PP2D1: variants seen among roughly 807,000 people sequenced by gnomAD.
PP2D1 encodes protein phosphatase 2C-like domain-containing protein 1.
Under a neutral mutation model 30.2 loss-of-function variants are expected in PP2D1, and 25 were observed. The observed-to-expected ratio is 0.83, with a 90% CI of 0.60 to 1.16. The LOEUF (loss-of-function observed/expected upper bound fraction) is 1.16, where lower values mean the gene tolerates loss of function less well. Ranked by LOEUF, PP2D1 falls within the 50% of genes most tolerant of loss-of-function variation. PP2D1 has a pLI of 0.00. For missense variants in PP2D1, 760 were observed against 742.4 expected (o/e 1.02, Z -0.28); for synonymous variants, 260 against 258.9 (o/e 1.00, Z -0.04).
chr3:20,010,228 T>C (rs1697368777), intron 1 of PP2D1, among the ~76,000 whole-genome samples: 1 of 152,064 alleles, frequency 6.6e-6, no homozygotes. Context: ...CCTGAGTAGC[T>C]GGGACTACAG....
chr3:19,986,267 C>G, intron 2 of PP2D1, 85 bp from the exon 3 acceptor site: 1 of 1,021,604 alleles, frequency 9.8e-7, no homozygotes, highest in South Asian at 1.9e-5. Flanking sequence ...TTAGTAAATT[C>G]TGTGTTTCAA....
At chr3:19,984,254 G>A, downstream of PP2D1, 2 of 429,734 alleles carry the variant, frequency 4.7e-6, no homozygotes, top group Non-Finnish European at 9.1e-6. Context: ...TATTTATGAT[G>A]CTTAGCCATA....
chr3:20,005,463 T>A (rs377009002), intron 1 of PP2D1, among the ~76,000 whole-genome samples: 3 of 152,188 alleles, frequency 2.0e-5, no homozygotes, highest in African/African-American at 7.2e-5. Flanking sequence ...TAAATATTTA[T>A]GAAATGTGAC....
chr3:19,988,202 C>T lies in PP2D1; in HGVS notation c.1091-2020G>A, dbSNP rs191211586. Among the ~76,000 whole-genome samples, 396 of 152,240 alleles carry T rather than the reference C, an allele frequency of 2.6e-3. 1 individual carries two copies. The highest frequency in any genetic ancestry group is 4.7e-3 in the Non-Finnish European group (321 of 68,026). ...CAGGTATCACTGCCTGAGAGCTAGG[C>T]GGAACAGAGCCATATTTCTCTTCTT... On this transcript the variant is annotated intron_variant, in intron 2 of 2. Coordinates refer to ENST00000389050, the MANE Select transcript of PP2D1 (RefSeq NM_001252657.2).
At chr3:19,997,221 G>A (rs912089381) in intron 2 of PP2D1, among the ~76,000 whole-genome samples, 4 of 148,000 alleles carry the variant, frequency 2.7e-5, no homozygotes, top group Non-Finnish European at 4.4e-5. Flanking sequence ...CCACCGTGAC[G>A]ACTTGTAATA....
chr3:20,012,012 C>A, intron 1 of PP2D1, 38 bp downstream of exon 1: 10 of 1,456,500 alleles, frequency 6.9e-6, no homozygotes, highest in Non-Finnish European at 9.3e-6. Flanking sequence ...TACTCATTGG[C>A]TATACGTATT....
chr3:19,999,077 T>C (rs1697218411), intron 2 of PP2D1, among the ~76,000 whole-genome samples: 1 of 130,684 alleles, frequency 7.7e-6, no homozygotes, highest in Non-Finnish European at 1.6e-5. Flanking sequence ...GCAGTGTGTC[T>C]AGACTTTTTT....
intron 2 of PP2D1, chr3:19,996,787 A>C (rs1380654901): frequency 6.6e-6 from 1 of 152,202 alleles, no homozygotes; most frequent in Non-Finnish European, 1.5e-5. Context: ...GTTCACACAG[A>C]AATCAATAAA....
At chr3:19,991,998 A>G (rs1173131678) in intron 2 of PP2D1, among the ~76,000 whole-genome samples, 1 of 152,308 alleles carries the variant, frequency 6.6e-6, no homozygotes, top group South Asian at 2.1e-4. Flanking sequence ...TTAGGATTGC[A>G]TGTAAATAAG....
In PP2D1 at chr3:20,001,494, CCAT is replaced by C; in HGVS notation, c.623_625del (p.Asp208del). The C allele has an allele frequency of 2.0e-6, 3 of 1,536,076 alleles. No individual in the cohort carries two copies. On this transcript the variant is annotated inframe_deletion, in exon 2 of 3. Transcript: ENST00000389050. ...CTCTGCCGCTGAGGCACCGTGATGT[CCAT>C]CAAACAAACCAAAAAAACACACATT...
chr3:19,984,521 T>C (rs1696995552), downstream of PP2D1: 1 of 183,662 alleles, frequency 5.4e-6, no homozygotes, highest in South Asian at 1.0e-4. Flanking sequence ...TTCAAACATG[T>C]GAGTTCTTTA....
intron 1 of PP2D1, among the ~76,000 whole-genome samples, chr3:20,007,488 GCCAGGTGCGGTGGCTCACGCCTGTGATC>G (rs1447948540): frequency 6.6e-6 from 1 of 152,026 alleles, no homozygotes. Context: ...GTAAATAGAG[GCCAGGTGCGGTGGCTCACGCCTGTGATC>G]CCAGCACTTA....
At chr3:19,999,356 G>A (rs980198479) in intron 2 of PP2D1, among the ~76,000 whole-genome samples, 10 of 151,670 alleles carry the variant, frequency 6.6e-5, no homozygotes, top group Non-Finnish European at 1.0e-4. Context: ...GGTTACAGGC[G>A]TCAGCCACCG....
intron 1 of PP2D1, among the ~76,000 whole-genome samples, chr3:20,003,715 C>G (rs1441568973): frequency 6.6e-6 from 1 of 151,922 alleles, no homozygotes; most frequent in Non-Finnish European, 1.5e-5. Context: ...GGCGCCACTG[C>G]ACTCCAGCCT....
At chr3:19,999,195 A>T (rs1487555747) in intron 2 of PP2D1, among the ~76,000 whole-genome samples, 1 of 140,278 alleles carries the variant, frequency 7.1e-6, no homozygotes. Flanking sequence ...TTCTCCTGCC[A>T]CAGCCTCCTG....
intron 2 of PP2D1, 39 bp from the exon 3 acceptor site, chr3:19,986,221 A>G (rs1192898452): frequency 4.4e-6 from 6 of 1,349,508 alleles, no homozygotes; most frequent in Non-Finnish European, 5.9e-6. Context: ...TTTTTATCCT[A>G]GAGATAACCA....
At position 19,985,958 on chromosome 3, in the gene PP2D1, T is replaced by C; in HGVS notation, c.1315A>G (p.Ile439Val). The part of the protein sequence containing the change: ...KKSIIPAPQT[I>V]SVPIDDLCQF... ...CATAGGTCATCTATAGGGACAGAAATAGTTTGAGGTGCTGGGATAATGGAT... is the reference window on the plus strand; with the variant it reads ...CATAGGTCATCTATAGGGACAGAAACAGTTTGAGGTGCTGGGATAATGGAT... The change falls in exon 3 of 3, where the codon ATT becomes GTT. Residue 439 changes from isoleucine to valine, a missense_variant. This residue lies in a region of PP2D1 where 369 missense variants were observed against 316.2 expected (regional missense o/e 1.17). Transcript: ENST00000389050. 1 of 1,536,206 alleles carries C rather than the reference T, an allele frequency of 6.5e-7. No individual in the cohort carries two copies. Among genetic ancestry groups the C allele is most frequent in the South Asian group, 1.2e-5 (1 of 84,060 alleles).
At position 19,985,596 on chromosome 3, in the gene PP2D1, A is replaced by G. The variant is rs531592166; in HGVS notation, c.1677T>C (p.His559=). 1.5e-5 allele frequency: 23 copies of G among 1,536,072 alleles called. No individual in the cohort carries two copies. The South Asian group carries it at 2.4e-4, about 16-fold the overall frequency. ...TTACTTTTTCACTGCAAGGTTTACGATGAGTCGTTTCTGCTGGAAATGTTT... is the reference window on the plus strand; with the variant it reads ...TTACTTTTTCACTGCAAGGTTTACGGTGAGTCGTTTCTGCTGGAAATGTTT... The part of the protein sequence containing the change: ...NVETFPAETT[H]RKPCSEKVTD... The change falls in exon 3 of 3, where the codon CAT becomes CAC. Residue 559 remains histidine, a synonymous_variant. Transcript: ENST00000389050.
At chr3:19,988,002 C>T (rs560417383) in intron 2 of PP2D1, among the ~76,000 whole-genome samples, 1 of 152,322 alleles carries the variant, frequency 6.6e-6, no homozygotes, top group East Asian at 1.9e-4. Flanking sequence ...TCTTTAATCT[C>T]TTAATCCTGT....
Sources: gnomAD v4.1 joint callset for allele counts (sites outside exome capture counted in the v4.1 genomes callset) on GRCh38, gnomAD v4.1.1 for gene constraint, gnomAD v4.1.1 regional missense constraint, MANE v1.5 for transcripts, NCBI Gene and HGNC (gene_info 2026-07-23, HGNC 2026-07-21) for gene names.